Variants in ACCSL observed in about 807,000 individuals in gnomAD.
ACCSL encodes 1-aminocyclopropane-1-carboxylate synthase homolog (inactive) like.
A neutral mutation model predicts 61.7 loss-of-function variants in ACCSL; 55 were observed. That is an observed-to-expected ratio of 0.89 (90% confidence interval 0.72 to 1.12). The LOEUF (loss-of-function observed/expected upper bound fraction) is 1.12. Ranked by LOEUF, ACCSL falls within the 50% of genes most tolerant of loss-of-function variation. ACCSL has a pLI of 0.00. For missense variants in ACCSL, 632 were observed against 698.0 expected, an observed-to-expected ratio of 0.91 and a Z score of 1.07; for synonymous variants, 258 against 264.3, an observed-to-expected ratio of 0.98 and a Z score of 0.23.
the ACCSL span, among the ~76,000 whole-genome samples, chr11:44,017,351 T>TCCAGGGGCA: frequency 1.3e-3 from 199 of 152,292 alleles, no homozygotes; most frequent in African/African-American, 4.4e-3. Context: ...ACTGCACAAC[T>TCCAGGGGCA]CCAGGGGCAC....
At position 44,058,450 on chromosome 11, in the gene ACCSL, CTTGAA is replaced by C. The variant is rs1402602211; in HGVS notation, c.1462_1466del (p.Leu488LysfsTer9). On this transcript the variant is annotated frameshift_variant, in exon 12 of 14. Coordinates refer to ENST00000378832, the MANE Select transcript of ACCSL (RefSeq NM_001031854.2). LOFTEE classifies it high-confidence loss of function. ...GCTCTGGCCTCTATGTCTGGATCAACTTGAAAAAGGTGTGTTCTGGGAATGAGGAC... is the reference window on the plus strand; with the variant it reads ...GCTCTGGCCTCTATGTCTGGATCAACAAAGGTGTGTTCTGGGAATGAGGAC... The C allele has an allele frequency of 6.2e-7, 1 of 1,614,046 alleles. No homozygotes were observed. The highest frequency in any genetic ancestry group is 8.5e-7 in the Non-Finnish European group (1 of 1,180,030).
chr11:44,039,343 G>A, the ACCSL span, among the ~76,000 whole-genome samples: 1 of 152,096 alleles, frequency 6.6e-6, no homozygotes, highest in African/African-American at 2.4e-5. Flanking sequence ...ATGAATTAAT[G>A]GCAATCACAG....
chr11:44,039,545 G>T, the ACCSL span, among the ~76,000 whole-genome samples: 1 of 152,142 alleles, frequency 6.6e-6, no homozygotes, highest in Non-Finnish European at 1.5e-5. Context: ...ACTATAAATT[G>T]AGTTCAGTGT....
chr11:44,036,709 G>C, the ACCSL span, among the ~76,000 whole-genome samples: 1 of 151,776 alleles, frequency 6.6e-6, no homozygotes, highest in Non-Finnish European at 1.5e-5. Context: ...TTGAACCCTG[G>C]GGGCAAAGGA....
At chr11:43,937,375 C>T in the ACCSL span, among the ~76,000 whole-genome samples, 3 of 152,112 alleles carry the variant, frequency 2.0e-5, no homozygotes, top group Non-Finnish European at 4.4e-5. Flanking sequence ...GGTGGCTAGG[C>T]GAGGCTTCTT....
chr11:44,046,502 C>A (rs1476395654), upstream of ACCSL, among the ~76,000 whole-genome samples: 1 of 152,180 alleles, frequency 6.6e-6, no homozygotes, highest in Admixed American at 6.5e-5. Context: ...CCTGGGCAGA[C>A]ACTGAACAAG....
chr11:44,021,802 A>T, the ACCSL span, among the ~76,000 whole-genome samples: 1 of 152,254 alleles, frequency 6.6e-6, no homozygotes, highest in Admixed American at 6.5e-5. Context: ...TTATAAGGTG[A>T]CAGATGAGGA....
At chr11:44,005,350 G>A in the ACCSL span, among the ~76,000 whole-genome samples, 3 of 152,118 alleles carry the variant, frequency 2.0e-5, no homozygotes, top group Non-Finnish European at 2.9e-5. Context: ...GTGAATATGA[G>A]ATTCTGTAAT....
chr11:44,031,649 T>C, the ACCSL span, among the ~76,000 whole-genome samples: 1 of 152,138 alleles, frequency 6.6e-6, no homozygotes, highest in East Asian at 1.9e-4. Context: ...GGGATTGAGG[T>C]AGGAAGAGTC....
chr11:44,051,213 G>T (rs1055314363), intron 3 of ACCSL, 122 bp from the exon 4 acceptor site: 2 of 936,998 alleles, frequency 2.1e-6, no homozygotes, highest in Non-Finnish European at 3.5e-6. Flanking sequence ...TTAGTCAGTA[G>T]CCCTGTAATA....
chr11:44,030,375 C>G, the ACCSL span, among the ~76,000 whole-genome samples: 1 of 151,666 alleles, frequency 6.6e-6, no homozygotes, highest in African/African-American at 2.4e-5. Context: ...CACAGACGTC[C>G]AGAAGCCTAG....
At chr11:43,936,927 C>T in the ACCSL span, among the ~76,000 whole-genome samples, 23 of 152,220 alleles carry the variant, frequency 1.5e-4, no homozygotes, top group East Asian at 4.1e-3. Flanking sequence ...GAGCAGGGCC[C>T]AAGACCCAGG....
chr11:44,036,816 G>T, the ACCSL span, among the ~76,000 whole-genome samples: 1 of 151,788 alleles, frequency 6.6e-6, no homozygotes, highest in Non-Finnish European at 1.5e-5. Flanking sequence ...CCAGGTTCTG[G>T]CATGGACGGG....
At chr11:43,926,974 T>A in the ACCSL span, among the ~76,000 whole-genome samples, 2 of 152,240 alleles carry the variant, frequency 1.3e-5, no homozygotes, top group Non-Finnish European at 2.9e-5. Flanking sequence ...CTGGAACTCC[T>A]GGGCTCAAGC....
At chr11:44,057,423 G>A (rs996855494) in intron 11 of ACCSL, among the ~76,000 whole-genome samples, 1 of 152,186 alleles carries the variant, frequency 6.6e-6, no homozygotes, top group Non-Finnish European at 1.5e-5. Context: ...TTTGATACTT[G>A]GCAGAAACCA....
chr11:43,984,958 G>A, the ACCSL span, among the ~76,000 whole-genome samples: 1 of 152,250 alleles, frequency 6.6e-6, no homozygotes, highest in Non-Finnish European at 1.5e-5. Flanking sequence ...GGCTGGGGAA[G>A]GGGACCTTCA....
chr11:44,030,330 T>G, the ACCSL span, among the ~76,000 whole-genome samples: 1 of 151,704 alleles, frequency 6.6e-6, no homozygotes, highest in African/African-American at 2.4e-5. Flanking sequence ...AACCCCAGAT[T>G]GTAGAGCCCC....
chr11:44,038,479 C>T, the ACCSL span, among the ~76,000 whole-genome samples: 157 of 152,196 alleles, frequency 1.0e-3, no homozygotes, highest in Non-Finnish European at 3.7e-4. Flanking sequence ...AGCAGGAATG[C>T]GCAGAGTGGG....
At chr11:43,998,059 T>C in the ACCSL span, among the ~76,000 whole-genome samples, 1 of 152,240 alleles carries the variant, frequency 6.6e-6, no homozygotes, top group Non-Finnish European at 1.5e-5. Flanking sequence ...TCTGCCACTT[T>C]CTGCGTATCT....
Sources: allele counts gnomAD v4.1 joint callset (sites outside exome capture counted in the v4.1 genomes callset), GRCh38; gene constraint gnomAD v4.1.1; transcripts MANE v1.5; gene names NCBI Gene and HGNC (gene_info 2026-07-23, HGNC 2026-07-21).